Variants in DYNC1I1 observed in about 807,000 individuals in gnomAD.
The protein encoded by DYNC1I1 is cytoplasmic dynein 1 intermediate chain 1.
Under a neutral mutation model 86.6 loss-of-function variants are expected in DYNC1I1, and 43 were observed. The ratio of observed to expected loss-of-function variants is 0.50; its 90% confidence interval spans 0.39 to 0.64. DYNC1I1 has a LOEUF of 0.64. Ranked by LOEUF, DYNC1I1 falls within the 30% of genes least tolerant of loss-of-function variation. DYNC1I1 has a pLI of 0.00. For missense variants in DYNC1I1, 604 were observed against 788.8 expected (o/e 0.77, Z 2.81); for synonymous variants, 262 against 283.7 (o/e 0.92, Z 0.77).
At chr7:96,018,765 AG>A (rs1292705151) in intron 10 of DYNC1I1, among the ~76,000 whole-genome samples, 1 of 152,236 alleles carries the variant, frequency 6.6e-6, no homozygotes, top group Non-Finnish European at 1.5e-5. Context: ...ATGGTATTCT[AG>A]CAGAGGGAAA....
At chr7:96,061,393 T>C (rs1789759613) in intron 14 of DYNC1I1, among the ~76,000 whole-genome samples, 1 of 152,116 alleles carries the variant, frequency 6.6e-6, no homozygotes, top group Non-Finnish European at 1.5e-5. Context: ...TAAAAATTAC[T>C]TGACAGTGTC....
At chr7:95,852,418 G>A (rs985854359) in intron 5 of DYNC1I1, among the ~76,000 whole-genome samples, 3 of 151,784 alleles carry the variant, frequency 2.0e-5, no homozygotes, top group Non-Finnish European at 4.4e-5. Flanking sequence ...CCAGCTAAAA[G>A]TTTGTCAATT....
chr7:95,938,928 G>T (rs1315323983), intron 6 of DYNC1I1, among the ~76,000 whole-genome samples: 1 of 152,098 alleles, frequency 6.6e-6, no homozygotes, highest in Non-Finnish European at 1.5e-5. Flanking sequence ...TCTCTTTTGG[G>T]CATTTAGTGC....
chr7:95,919,600 A>G (rs1584160045), intron 6 of DYNC1I1, among the ~76,000 whole-genome samples: 1 of 152,334 alleles, frequency 6.6e-6, no homozygotes, highest in Non-Finnish European at 1.5e-5. Context: ...ACTCTGGGCA[A>G]ACATTTTATT....
At chr7:95,885,630 C>T (rs1198714759) in intron 6 of DYNC1I1, among the ~76,000 whole-genome samples, 2 of 152,160 alleles carry the variant, frequency 1.3e-5, no homozygotes, top group African/African-American at 4.8e-5. Context: ...AGGTGCATGC[C>T]ACCATGTCCA....
intron 6 of DYNC1I1, among the ~76,000 whole-genome samples, chr7:95,879,526 T>C (rs181338973): frequency 9.5e-6 from 1 of 104,988 alleles, no homozygotes; most frequent in Non-Finnish European, 2.3e-5. Context: ...AGTGATAAAA[T>C]AATCAAAGAG....
At chr7:95,858,945 T>C (rs1248956860) in intron 5 of DYNC1I1, among the ~76,000 whole-genome samples, 2 of 146,676 alleles carry the variant, frequency 1.4e-5, no homozygotes, top group East Asian at 1.9e-4. Flanking sequence ...ATTATATTAA[T>C]ATATAATATA....
chr7:95,794,349 C>G (rs1433133318), intron 1 of DYNC1I1, among the ~76,000 whole-genome samples: 1 of 152,120 alleles, frequency 6.6e-6, no homozygotes, highest in African/African-American at 2.4e-5. Flanking sequence ...CCTAAGGACT[C>G]TTGATATCAT....
Position 95,940,310 on chromosome 7 carries a change from T to C in DYNC1I1, c.491-37202T>C, listed in dbSNP as rs1220896401. Among the ~76,000 whole-genome samples, 46 of 151,866 alleles carry C rather than the reference T, an allele frequency of 3.0e-4. No individual in the cohort carries two copies. In the South Asian group the frequency reaches 7.7e-3, roughly 26 times the overall value. ...CTCTTCTCGAGGAGTATCTTTGTGG[T>C]GTTCTCTGTATTTCCTGAATCTGAA... is the stretch of plus-strand genomic sequence containing the variant. On this transcript the variant is annotated intron_variant, in intron 6 of 16. Transcript: ENST00000447467.
intron 15 of DYNC1I1, among the ~76,000 whole-genome samples, chr7:96,076,740 A>T (rs569154681): frequency 3.0e-4 from 46 of 152,364 alleles, no homozygotes; most frequent in African/African-American, 9.6e-4. Flanking sequence ...TCAGAGGCAG[A>T]CTTTTACAAC....
chr7:95,863,244 C>T (rs139281202), intron 5 of DYNC1I1, among the ~76,000 whole-genome samples: 1 of 152,162 alleles, frequency 6.6e-6, no homozygotes, highest in Non-Finnish European at 1.5e-5. Flanking sequence ...AAATGTTAGA[C>T]TAAGTAAAAA....
At chr7:96,106,466 C>T (rs1388101565) in intron 16 of DYNC1I1, among the ~76,000 whole-genome samples, 5 of 151,796 alleles carry the variant, frequency 3.3e-5, no homozygotes, top group South Asian at 4.1e-4. Context: ...ACTCCAGAGG[C>T]GGAGGTTAAA....
At chr7:95,933,558 A>T (rs1791959621) in intron 6 of DYNC1I1, among the ~76,000 whole-genome samples, 1 of 152,202 alleles carries the variant, frequency 6.6e-6, no homozygotes, top group Admixed American at 6.5e-5. Flanking sequence ...GTAGCTTAGA[A>T]ATGGCACCAA....
At chr7:95,813,075 C>CTTTTT in intron 3 of DYNC1I1, 172 bp from the exon 4 acceptor site, 1 of 1,384,836 alleles carries the variant, frequency 7.2e-7, no homozygotes, top group Non-Finnish European at 9.7e-7. Context: ...ATTCACTGGA[C>CTTTTT]TTTTTTCCTT....
chr7:96,082,928 T>C (rs1177576906), intron 16 of DYNC1I1, among the ~76,000 whole-genome samples: 2 of 152,178 alleles, frequency 1.3e-5, no homozygotes, highest in African/African-American at 4.8e-5. Context: ...TTTTATGTTA[T>C]TGCCCTTACT....
At position 95,997,361 on chromosome 7, in the gene DYNC1I1, T is replaced by C. The variant is rs147251188; in HGVS notation, c.969+1288T>C. 2.6e-4 allele frequency among the ~76,000 whole-genome samples: 40 copies of C among 152,232 alleles called. No homozygotes were observed. The East Asian group carries it at 5.6e-3, about 21-fold the overall frequency. ...GGATTAAGAAATAAAGAGAAGCACA[T>C]TTTTGAAAAACAGTGCCTTTTAAAT... On this transcript the variant is annotated intron_variant, in intron 10 of 16. Transcript: ENST00000447467.
chr7:95,892,380 G>A (rs1257746385), intron 6 of DYNC1I1, among the ~76,000 whole-genome samples: 6 of 150,836 alleles, frequency 4.0e-5, no homozygotes, highest in African/African-American at 1.2e-4. Context: ...CGGTGATCTC[G>A]GCTCACTGCA....
intron 2 of DYNC1I1, among the ~76,000 whole-genome samples, chr7:95,806,724 C>T (rs2690301): frequency 0.018 from 2,811 of 152,200 alleles, 90 homozygotes; most frequent in African/African-American, 0.064. Flanking sequence ...TTTTGGGATC[C>T]GTTGGACCAC....
intron 6 of DYNC1I1, among the ~76,000 whole-genome samples, chr7:95,906,789 C>T (rs1169423505): frequency 2.6e-5 from 4 of 152,106 alleles, no homozygotes; most frequent in Non-Finnish European, 5.9e-5. Context: ...CTACAGTCTA[C>T]TATAGCTCCA....
Sources: gnomAD v4.1 joint callset for allele counts (sites outside exome capture counted in the v4.1 genomes callset) on GRCh38, gnomAD v4.1.1 for gene constraint, MANE v1.5 for transcripts, NCBI Gene and HGNC (gene_info 2026-07-23, HGNC 2026-07-21) for gene names.